The following DSCAM variants were observed in gnomAD, a reference collection of about 807,000 sequenced individuals.
DSCAM encodes the protein cell adhesion molecule DSCAM.
Under a neutral mutation model 217.7 loss-of-function variants are expected in DSCAM, and 47 were observed. The ratio of observed to expected loss-of-function variants is 0.22; its 90% CI spans 0.17 to 0.28. DSCAM has a LOEUF of 0.28. DSCAM is among the 10% of genes least tolerant of loss of function. The pLI, the probability that DSCAM is intolerant of heterozygous loss-of-function variation, is 1.00. For synonymous variants in DSCAM, 1,056 were observed against 1,015.3 expected (o/e 1.04, Z -0.76); for missense variants, 2,080 against 2,618.3 (o/e 0.79, Z 4.49).
chr21:40,727,559 A>G (rs774848442), intron 1 of DSCAM, among the ~76,000 whole-genome samples: 2 of 152,088 alleles, frequency 1.3e-5, no homozygotes, highest in African/African-American at 2.4e-5. Context: ...CACAGCATCA[A>G]TAAGTCTCTT....
chr21:40,074,531 G>GT (rs927817193), intron 27 of DSCAM, among the ~76,000 whole-genome samples: 5 of 152,158 alleles, frequency 3.3e-5, no homozygotes, highest in Non-Finnish European at 7.3e-5. Context: ...CCTTCATTAT[G>GT]TTTTTGCTAC....
At chr21:40,806,304 G>A (rs1022486833) in intron 1 of DSCAM, among the ~76,000 whole-genome samples, 1 of 152,146 alleles carries the variant, frequency 6.6e-6, no homozygotes, top group Admixed American at 6.5e-5. Flanking sequence ...TCCACCAAGT[G>A]GGGAGTCAGA....
intron 16 of DSCAM, among the ~76,000 whole-genome samples, chr21:40,148,095 CAA>C (rs748144702): frequency 1.3e-5 from 2 of 152,070 alleles, no homozygotes; most frequent in African/African-American, 2.4e-5. Context: ...AAGGAACAAA[CAA>C]GAGAGCTCTC....
chr21:40,300,998 T>C (rs1374187564), intron 9 of DSCAM, among the ~76,000 whole-genome samples: 3 of 151,574 alleles, frequency 2.0e-5, no homozygotes, highest in Non-Finnish European at 1.5e-5. Flanking sequence ...CTTTTACTGA[T>C]TTTCTTTTCT....
intron 18 of DSCAM, among the ~76,000 whole-genome samples, chr21:40,138,130 G>A (rs943024392): frequency 2.6e-5 from 4 of 152,056 alleles, no homozygotes; most frequent in Admixed American, 2.6e-4. Flanking sequence ...TATTTCATCT[G>A]ACCACATTAA....
chr21:40,731,787 G>A (rs968187967), intron 1 of DSCAM, among the ~76,000 whole-genome samples: 5 of 135,366 alleles, frequency 3.7e-5, no homozygotes, highest in African/African-American at 5.6e-5. Flanking sequence ...GGAGTGCAAT[G>A]GTGCGATCTC....
intron 6 of DSCAM, among the ~76,000 whole-genome samples, chr21:40,344,015 T>C (rs891686838): frequency 7.2e-5 from 11 of 152,056 alleles, no homozygotes; most frequent in African/African-American, 2.4e-4. Context: ...GCTGTTCTCC[T>C]GCCTCTGCCT....
intron 18 of DSCAM, among the ~76,000 whole-genome samples, chr21:40,134,290 C>T (rs990428930): frequency 6.6e-6 from 1 of 151,968 alleles, no homozygotes; most frequent in Admixed American, 6.6e-5. Context: ...GTTATCAACC[C>T]AAGGCCAGCA....
At chr21:40,056,571 A>G (rs980744593) in intron 28 of DSCAM, among the ~76,000 whole-genome samples, 10 of 152,212 alleles carry the variant, frequency 6.6e-5, no homozygotes, top group African/African-American at 2.4e-4. Context: ...GTTGCACAAA[A>G]ATCTAAAAAA....
intron 1 of DSCAM, among the ~76,000 whole-genome samples, chr21:40,721,755 G>A (rs561796413): frequency 3.5e-4 from 53 of 151,870 alleles, no homozygotes; most frequent in Non-Finnish European, 5.9e-4. Context: ...AAAAAAAATC[G>A]AACAATTAAT....
intron 11 of DSCAM, among the ~76,000 whole-genome samples, chr21:40,215,794 T>A (rs1023232029): frequency 6.6e-6 from 1 of 152,038 alleles, no homozygotes; most frequent in African/African-American, 2.4e-5. Flanking sequence ...TTAAAACTAA[T>A]GAAAGAAAAA....
chr21:40,553,868 T>C (rs528442252), intron 3 of DSCAM, among the ~76,000 whole-genome samples: 1 of 152,248 alleles, frequency 6.6e-6, no homozygotes, highest in Non-Finnish European at 1.5e-5. Flanking sequence ...CTAGTTCCAT[T>C]TTCTCATTTA....
chr21:40,125,404 A>C (rs905218230), intron 19 of DSCAM, among the ~76,000 whole-genome samples: 7 of 152,212 alleles, frequency 4.6e-5, no homozygotes, highest in African/African-American at 1.7e-4. Flanking sequence ...CTCACTGTCC[A>C]TATGGAGGGC....
chr21:40,151,018 A>C (rs1356034249), intron 16 of DSCAM, among the ~76,000 whole-genome samples: 1 of 152,074 alleles, frequency 6.6e-6, no homozygotes, highest in Non-Finnish European at 1.5e-5. Context: ...GGAGAAGACA[A>C]ATTTCCTAGG....
chr21:40,637,829 C>T (rs1014160905), intron 3 of DSCAM, among the ~76,000 whole-genome samples: 22 of 150,318 alleles, frequency 1.5e-4, no homozygotes, highest in African/African-American at 4.9e-4. Flanking sequence ...CGCACCACCA[C>T]GCCTGGCTAA....
intron 3 of DSCAM, among the ~76,000 whole-genome samples, chr21:40,520,245 C>T (rs536372867): frequency 6.6e-6 from 1 of 152,008 alleles, no homozygotes; most frequent in African/African-American, 2.4e-5. Context: ...TGCTCTCATT[C>T]TAGAGGCACA....
At chr21:40,239,443 A>G (rs2073119275) in intron 11 of DSCAM, among the ~76,000 whole-genome samples, 1 of 152,312 alleles carries the variant, frequency 6.6e-6, no homozygotes, top group Non-Finnish European at 1.5e-5. Flanking sequence ...TTACTGTGCA[A>G]GAAGAAATCA....
Position 40,470,150 on chromosome 21 carries a change from A to G in DSCAM, c.509-100905T>C, listed in dbSNP as rs149726461. 2.0e-5 allele frequency among the ~76,000 whole-genome samples: 3 copies of G among 152,352 alleles called. No homozygotes were observed. The East Asian group carries it at 5.8e-4, about 29-fold the overall frequency. On this transcript the variant is annotated intron_variant, in intron 3 of 32. Transcript: ENST00000400454. ...TGTTATAATTAATATAAAATAATCA[A>G]ATTGGTATGTTTTATTTCAAGTTTG...
At chr21:40,050,425 G>A (rs1229756870) in intron 30 of DSCAM, among the ~76,000 whole-genome samples, 4 of 139,206 alleles carry the variant, frequency 2.9e-5, no homozygotes, top group African/African-American at 1.1e-4. Context: ...GTAGCAGCAA[G>A]CCACACCAGG....
Sources: gnomAD v4.1 joint callset for allele counts (sites outside exome capture counted in the v4.1 genomes callset) on GRCh38, gnomAD v4.1.1 for gene constraint, MANE v1.5 for transcripts, NCBI Gene and HGNC (gene_info 2026-07-23, HGNC 2026-07-21) for gene names.